The following GPAM variants were observed in gnomAD, a reference collection of about 807,000 sequenced individuals.
GPAM encodes the protein glycerol-3-phosphate acyltransferase 1, mitochondrial.
Under a neutral mutation model 105.0 loss-of-function variants are expected in GPAM, and 56 were observed. The ratio of observed to expected loss-of-function variants is 0.53; its 90% CI spans 0.43 to 0.67. The LOEUF (loss-of-function observed/expected upper bound fraction) is 0.67. GPAM is among the 30% of genes least tolerant of loss of function. GPAM has a pLI of 0.00. For missense variants in GPAM, 855 were observed against 989.8 expected (o/e 0.86, Z 1.83); for synonymous variants, 368 against 354.4 (o/e 1.04, Z -0.43).
At chr10:112,203,287 G>A (rs1265072560) in intron 1 of GPAM, among the ~76,000 whole-genome samples, 1 of 152,124 alleles carries the variant, frequency 6.6e-6, no homozygotes, top group Non-Finnish European at 1.5e-5. Flanking sequence ...CTAAAAACAA[G>A]CCTCCAAAAA....
the GPAM span, among the ~76,000 whole-genome samples, chr10:112,226,648 A>C: frequency 2.6e-5 from 4 of 152,172 alleles, no homozygotes; most frequent in Non-Finnish European, 5.9e-5. Context: ...ATTGGTGATC[A>C]AACAGAGAAA....
upstream of GPAM, among the ~76,000 whole-genome samples, chr10:112,217,440 GTTT>G (rs201314583): frequency 7.1e-6 from 1 of 140,572 alleles, no homozygotes; most frequent in African/African-American, 2.6e-5. Flanking sequence ...CGTTTTGTTT[GTTT>G]TTTTTTTTTG....
In GPAM at chr10:112,161,649, G is replaced by T. The variant is rs1399116592; in HGVS notation, c.1494+18C>A. The T allele has an allele frequency of 5.6e-6, 9 of 1,599,178 alleles. No individual in the cohort carries two copies. The highest frequency in any genetic ancestry group is 6.0e-6 in the Non-Finnish European group (7 of 1,166,604). On this transcript the variant is annotated intron_variant, in intron 15 of 21. Transcript: ENST00000348367. ...TCTCCTGCTTCCTACTTAACTGCAG[G>T]TGACATTGCAGACATACCTGCCTGT... is the stretch of plus-strand genomic sequence containing the variant.
chr10:112,160,112 A>T, intron 16 of GPAM, 59 bp from the exon 17 acceptor site: 10 of 1,513,330 alleles, frequency 6.6e-6, no homozygotes, highest in Non-Finnish European at 9.2e-6. Context: ...AAAAACTTCA[A>T]CTGGCTTGAA....
intron 4 of GPAM, among the ~76,000 whole-genome samples, chr10:112,178,447 G>A (rs1427927157): frequency 6.6e-6 from 1 of 152,154 alleles, no homozygotes; most frequent in Non-Finnish European, 1.5e-5. Context: ...CTACTTGGGA[G>A]GCTGAGGCAG....
chr10:112,208,672 T>G (rs1394407797), intron 1 of GPAM, among the ~76,000 whole-genome samples: 2 of 152,158 alleles, frequency 1.3e-5, no homozygotes, highest in Non-Finnish European at 2.9e-5. Flanking sequence ...GAACAATGCT[T>G]CTCGGACTCT....
At position 112,152,197 on chromosome 10, in the gene GPAM, A is replaced by G. The variant is rs1305883792; in HGVS notation, c.*1353T>C. 2 of 977,190 alleles carry G rather than the reference A, an allele frequency of 2.0e-6. No homozygotes were observed. The allele number at this position is 977,190 out of a possible 1,614,324, so 60.5% of individuals were successfully genotyped here. ...CTCATCTGGAAAAATTCTTAATTCC[A>G]TAATATCTTGGAGATAAGCAACAGT... On this transcript the variant is annotated 3_prime_UTR_variant, in exon 22 of 22. Coordinates refer to ENST00000348367, the MANE Select transcript of GPAM (RefSeq NM_001244949.2).
At position 112,196,112 on chromosome 10, in the gene GPAM, C is replaced by A. The variant is rs182967251; in HGVS notation, n.211-13221G>T. On this transcript the variant is annotated intron_variant and non_coding_transcript_variant, in intron 1 of 3. Coordinates refer to the GPAM transcript ENST00000480130. Reference sequence around the variant, plus strand: ...AGCCTGGGAGGAAACACACACATGCCCAATACTCTTGAAAGAAGGAATTTG... The same window carrying A: ...AGCCTGGGAGGAAACACACACATGCACAATACTCTTGAAAGAAGGAATTTG... Among the ~76,000 whole-genome samples the A allele has an allele frequency of 7.2e-5, 11 of 152,182 alleles. No individual in the cohort carries two copies. The East Asian group carries it at 1.9e-3, about 27-fold the overall frequency.
intron 11 of GPAM, 21 bp from the exon 12 acceptor site, chr10:112,166,536 T>A: frequency 1.5e-6 from 2 of 1,323,262 alleles, no homozygotes; most frequent in Non-Finnish European, 2.2e-6. Context: ...ATAGTGAGAA[T>A]AACATGGTGA....
rs1483673464 is a variant in GPAM at position 112,157,343 on chromosome 10, C to T, written c.2027G>A (p.Trp676Ter). The T allele has an allele frequency of 6.2e-7, 1 of 1,613,430 alleles. No homozygotes were observed. The highest frequency in any genetic ancestry group is 1.3e-5 in the African/African-American group (1 of 75,034). The part of the protein sequence containing the change: ...DISPSLAEQQ[W>*]DKKLPEPLSW... ...CAAAGGTTCTGGAAGCTTCTTGTCC[C>T]ACTGCTGCTCAGCAAGACTAGGACT... is the stretch of plus-strand genomic sequence containing the variant. Residue 676 changes from tryptophan to a stop codon, truncating the protein, a stop_gained, in exon 19 of 22, where the codon TGG becomes TAG. Transcript: ENST00000348367. LOFTEE classifies it high-confidence loss of function.
In GPAM at chr10:112,203,514, T is replaced by C. The variant is rs114843485; in HGVS notation, n.210+11654A>G. 4.0e-3 allele frequency among the ~76,000 whole-genome samples: 610 copies of C among 152,342 alleles called. 5 individuals are homozygous for C. Among genetic ancestry groups the C allele is most frequent in the African/African-American group, 0.014 (588 of 41,586 alleles). ...TACTAAGGCTTTCCCACTCTGCCCC[T>C]TTCTAAGCCTTTTTTCTTGTCAGTA... is the stretch of plus-strand genomic sequence containing the variant. On this transcript the variant is annotated intron_variant and non_coding_transcript_variant, in intron 1 of 3. Coordinates refer to the GPAM transcript ENST00000480130.
chr10:112,217,148 G>A (rs1297937199), upstream of GPAM, among the ~76,000 whole-genome samples: 2 of 152,116 alleles, frequency 1.3e-5, no homozygotes, highest in South Asian at 4.2e-4. Context: ...TCCCATTAAC[G>A]ATCACCCGCA....
Position 112,151,323 on chromosome 10 carries a change from G to A in GPAM, c.*2227C>T, listed in dbSNP as rs181208456. ...GAAGCTTCATTGTGAAGATGCTTTC[G>A]TTTTTTTGTTTTTTGTTTTCAGTCA... On this transcript the variant is annotated 3_prime_UTR_variant, in exon 22 of 22. Coordinates refer to ENST00000348367, the MANE Select transcript of GPAM (RefSeq NM_001244949.2). 1.0e-4 allele frequency: 84 copies of A among 823,576 alleles called. No individual in the cohort carries two copies. The African/African-American group carries it at 1.3e-3, about 13-fold the overall frequency. 51.0% of individuals were successfully genotyped at this position (823,576 alleles called of 1,614,324 possible).
chr10:112,212,296 T>G (rs1847919585), intron 1 of GPAM, among the ~76,000 whole-genome samples: 1 of 152,130 alleles, frequency 6.6e-6, no homozygotes, highest in Non-Finnish European at 1.5e-5. Context: ...GGAGTCTCGC[T>G]CTGTCGCCCA....
upstream of GPAM, among the ~76,000 whole-genome samples, chr10:112,188,514 G>A (rs529721224): frequency 3.3e-5 from 5 of 152,238 alleles, no homozygotes; most frequent in South Asian, 6.2e-4. Flanking sequence ...CAGCAGAGAA[G>A]CTATTCCCTC....
chr10:112,159,015 T>C (rs550521283), intron 17 of GPAM, among the ~76,000 whole-genome samples: 4 of 152,222 alleles, frequency 2.6e-5, no homozygotes, highest in Non-Finnish European at 4.4e-5. Flanking sequence ...GACACATTCA[T>C]ACAAAAGAAA....
chr10:112,166,454 C>T lies in GPAM; in HGVS notation c.1169G>A (p.Arg390Gln), dbSNP rs772185946. 7.4e-6 allele frequency: 12 copies of T among 1,612,440 alleles called. No individual in the cohort carries two copies. The highest frequency in any genetic ancestry group is 1.6e-4 in the Middle Eastern group (1 of 6,082). The change falls in exon 12 of 22, where the codon CGA (arginine) becomes CAA (glutamine). Residue 390 changes from arginine to glutamine, a missense_variant. Physicochemically the swap from Arg to Gln is conservative, Grantham distance 43. Transcript: ENST00000348367. ...CACTCGGACACAACCATAGTTTTTT[C>T]GTAACATTCTAATAACACCTCTTGC... ...SVARGVIRML[R>Q]KNYGCVRVDF...
intron 4 of GPAM, among the ~76,000 whole-genome samples, chr10:112,179,214 T>C (rs1425584672): frequency 6.6e-6 from 1 of 152,376 alleles, no homozygotes; most frequent in African/African-American, 2.4e-5. Flanking sequence ...TCAGGTACTA[T>C]AGTAGGGCAA....
the GPAM span, among the ~76,000 whole-genome samples, chr10:112,223,982 G>A: frequency 6.6e-6 from 1 of 152,076 alleles, no homozygotes; most frequent in East Asian, 1.9e-4. Flanking sequence ...TCATAGACCT[G>A]ACTAATCCAT....
Sources: allele counts gnomAD v4.1 joint callset (sites outside exome capture counted in the v4.1 genomes callset), GRCh38; gene constraint gnomAD v4.1.1; transcripts MANE v1.5; gene names NCBI Gene and HGNC (gene_info 2026-07-23, HGNC 2026-07-21).